The following TRPC7 variants were observed in gnomAD, a reference collection of about 807,000 sequenced individuals.
TRPC7 encodes transient receptor potential cation channel subfamily C member 7, also known as short transient receptor potential channel 7.
TRPC7 carries 42 observed loss-of-function variants against 90.1 expected under a neutral mutation model. The observed-to-expected ratio is 0.47, with a 90% CI of 0.36 to 0.60. The LOEUF (loss-of-function observed/expected upper bound fraction) is 0.60. Ranked by LOEUF, TRPC7 falls within the 20% of genes least tolerant of loss-of-function variation. TRPC7 has a pLI of 0.00. For missense variants in TRPC7, 955 were observed against 1,112.3 expected (o/e 0.86, Z 2.01); for synonymous variants, 451 against 436.3 (o/e 1.03, Z -0.42).
At chr5:136,332,538 C>G (rs1009129672) in intron 2 of TRPC7, among the ~76,000 whole-genome samples, 1 of 152,084 alleles carries the variant, frequency 6.6e-6, no homozygotes, top group Admixed American at 6.6e-5. Context: ...TGCAATTACC[C>G]TGAGGAGAGA....
intron 11 of TRPC7, 52 bp from the exon 12 acceptor site, chr5:136,213,656 C>T: frequency 6.3e-7 from 1 of 1,593,658 alleles, no homozygotes; most frequent in South Asian, 1.1e-5. Context: ...AAGCTCGGGG[C>T]TTGTCCCATG....
chr5:136,334,986 T>C (rs1380265732), intron 2 of TRPC7, among the ~76,000 whole-genome samples: 5 of 152,160 alleles, frequency 3.3e-5, no homozygotes, highest in Non-Finnish European at 5.9e-5. Flanking sequence ...AGGTAAAAGA[T>C]GAATAAGTGA....
At chr5:136,300,011 C>T (rs1472532067) in intron 3 of TRPC7, among the ~76,000 whole-genome samples, 1 of 152,128 alleles carries the variant, frequency 6.6e-6, no homozygotes, top group Non-Finnish European at 1.5e-5. Flanking sequence ...TAAGCTAAGT[C>T]TATGTGGCTT....
Position 136,356,902 on chromosome 5 carries a change from G to T in TRPC7, c.486C>A (p.Ser162=). Residue 162 remains serine (S), a synonymous_variant, in exon 2 of 12, where the codon TCC becomes TCA. Transcript: ENST00000513104. ...YAYDEDGTRF[S]HDITPIILAA... ...CCAGGATGATGGGCGTGATGTCGTG[G>T]GAGAAGCGCGTGCCGTCCTCGTCGT... 1 of 1,613,880 alleles carries T rather than the reference G, an allele frequency of 6.2e-7. No homozygotes were observed. Among genetic ancestry groups the T allele is most frequent in the Non-Finnish European group, 8.5e-7 (1 of 1,179,954 alleles).
At chr5:136,234,362 G>GC (rs1755921396) in intron 7 of TRPC7, among the ~76,000 whole-genome samples, 1 of 151,738 alleles carries the variant, frequency 6.6e-6, no homozygotes. Context: ...AGGCTGGAGT[G>GC]CAAGTGGCAC....
intron 4 of TRPC7, among the ~76,000 whole-genome samples, chr5:136,273,346 C>A (rs1054017193): frequency 6.6e-6 from 1 of 152,156 alleles, no homozygotes; most frequent in African/African-American, 2.4e-5. Context: ...CCTTTACCTA[C>A]ATATATATTA....
chr5:136,216,335 G>A (rs538079149), intron 10 of TRPC7, 60 bp from the exon 11 acceptor site: 96 of 1,371,612 alleles, frequency 7.0e-5, no homozygotes, highest in East Asian at 4.2e-4. Context: ...GGCAGCCTGC[G>A]TGGTGTAGCA....
chr5:136,325,715 G>A (rs540953232), intron 2 of TRPC7, among the ~76,000 whole-genome samples: 3 of 151,814 alleles, frequency 2.0e-5, no homozygotes, highest in Non-Finnish European at 4.4e-5. Context: ...AGGCCAATTT[G>A]TGCTGACTTC....
chr5:136,261,080 C>T (rs1034529954), intron 5 of TRPC7, among the ~76,000 whole-genome samples: 4 of 152,136 alleles, frequency 2.6e-5, no homozygotes, highest in Non-Finnish European at 4.4e-5. Context: ...CTGATGCTAC[C>T]TCATACCTCT....
At chr5:136,341,517 C>T (rs1182287114) in intron 2 of TRPC7, among the ~76,000 whole-genome samples, 2 of 151,708 alleles carry the variant, frequency 1.3e-5, no homozygotes, top group Non-Finnish European at 2.9e-5. Context: ...AAGATTTATG[C>T]CCAGATATAA....
At chr5:136,318,799 T>G (rs572844377) in intron 2 of TRPC7, among the ~76,000 whole-genome samples, 23 of 152,240 alleles carry the variant, frequency 1.5e-4, no homozygotes, top group African/African-American at 4.8e-4. Flanking sequence ...AATCCTTTGA[T>G]TCCACCTTCC....
intron 2 of TRPC7, among the ~76,000 whole-genome samples, chr5:136,351,084 G>A (rs182631381): frequency 6.6e-6 from 1 of 152,170 alleles, no homozygotes; most frequent in Non-Finnish European, 1.5e-5. Context: ...AATGCTATGT[G>A]AATAGTTGTT....
Position 136,365,530 on chromosome 5 carries a change from G to T in TRPC7, c.-276C>A, listed in dbSNP as rs955637088. ...ATTTCCCAGAGAACATGACGGAGAAGCATCTGTGTGAGAGTGGCATGCGGC... is the reference window on the plus strand; with the variant it reads ...ATTTCCCAGAGAACATGACGGAGAATCATCTGTGTGAGAGTGGCATGCGGC... On this transcript the variant is annotated 5_prime_UTR_variant, in exon 1 of 12. Transcript: ENST00000513104. 11 of 557,234 alleles carry T rather than the reference G, an allele frequency of 2.0e-5. No homozygotes were observed. Among genetic ancestry groups the T allele is most frequent in the Non-Finnish European group, 3.5e-5 (11 of 312,810 alleles). The allele number at this position is 557,234 out of a possible 1,614,324, so 34.5% of individuals were successfully genotyped here.
intron 2 of TRPC7, among the ~76,000 whole-genome samples, chr5:136,347,357 A>G (rs954387970): frequency 6.6e-6 from 1 of 152,192 alleles, no homozygotes; most frequent in Non-Finnish European, 1.5e-5. Flanking sequence ...TGGCATTTTG[A>G]ATGTCCAAAG....
At chr5:136,240,988 T>G (rs965659014) in intron 7 of TRPC7, among the ~76,000 whole-genome samples, 1 of 152,060 alleles carries the variant, frequency 6.6e-6, no homozygotes, top group Non-Finnish European at 1.5e-5. Flanking sequence ...GCTGGGACAG[T>G]CCGTGGCAGG....
At chr5:136,216,315 C>T (rs752181180) in intron 10 of TRPC7, 40 bp from the exon 11 acceptor site, 6 of 1,537,904 alleles carry the variant, frequency 3.9e-6, no homozygotes, top group Non-Finnish European at 5.4e-6. Flanking sequence ...CAGGGCTGGC[C>T]TAATGCAGAG....
At chr5:136,255,668 A>T (rs2149807624) in intron 5 of TRPC7, among the ~76,000 whole-genome samples, 1 of 152,346 alleles carries the variant, frequency 6.6e-6, no homozygotes, top group East Asian at 1.9e-4. Flanking sequence ...CTGTATTAAA[A>T]TGTAACTATT....
At chr5:136,327,696 G>A (rs561120610) in intron 2 of TRPC7, among the ~76,000 whole-genome samples, 1 of 152,294 alleles carries the variant, frequency 6.6e-6, no homozygotes, top group African/African-American at 2.4e-5. Context: ...GGATTAAAAC[G>A]TGTAATTACA....
chr5:136,274,983 A>T, intron 3 of TRPC7, 146 bp from the exon 4 acceptor site: 2 of 830,984 alleles, frequency 2.4e-6, no homozygotes, highest in Non-Finnish European at 3.6e-6. Context: ...GGTGGGGATG[A>T]GGCGTAGGAA....
Sources: allele counts gnomAD v4.1 joint callset (sites outside exome capture counted in the v4.1 genomes callset), GRCh38; gene constraint gnomAD v4.1.1; transcripts MANE v1.5; gene names NCBI Gene and HGNC (gene_info 2026-07-23, HGNC 2026-07-21).